GPC5: variants seen among roughly 807,000 people sequenced by gnomAD.
The protein encoded by GPC5 is glypican 5, also known as glypican-5.
In GPC5, 47 loss-of-function variants were observed where a neutral mutation model predicts 53.9. The ratio of observed to expected loss-of-function variants is 0.87; its 90% CI spans 0.69 to 1.11. The LOEUF is 1.11. Ranked by LOEUF, GPC5 falls within the 50% of genes most tolerant of loss-of-function variation. GPC5 has a pLI of 0.00. For synonymous variants in GPC5, 286 were observed against 263.3 expected (o/e 1.09, Z -0.84); for missense variants, 748 against 713.1 (o/e 1.05, Z -0.56).
At chr13:92,077,346 A>C (rs374679014) in intron 6 of GPC5, among the ~76,000 whole-genome samples, 16 of 152,116 alleles carry the variant, frequency 1.1e-4, no homozygotes, top group African/African-American at 3.6e-4. Context: ...CTGGATTTCC[A>C]CTGTTAATAT....
At chr13:91,972,891 C>T (rs1242205599) in intron 6 of GPC5, among the ~76,000 whole-genome samples, 2 of 151,618 alleles carry the variant, frequency 1.3e-5, no homozygotes, top group African/African-American at 4.8e-5. Context: ...TCTCTGGCTG[C>T]CCTTAACATT....
chr13:91,433,927 T>C (rs1266806613), intron 1 of GPC5, among the ~76,000 whole-genome samples: 1 of 152,184 alleles, frequency 6.6e-6, no homozygotes, highest in Non-Finnish European at 1.5e-5. Context: ...ATTGTGGTTT[T>C]GATTTGCATT....
chr13:91,850,016 T>A (rs6492562), intron 5 of GPC5, among the ~76,000 whole-genome samples: 28,562 of 152,114 alleles, frequency 0.19, 2,975 homozygotes, highest in East Asian at 0.31. Flanking sequence ...TCTCCCAGTA[T>A]ATCAAACTGG....
intron 7 of GPC5, among the ~76,000 whole-genome samples, chr13:92,574,551 A>G (rs1883133286): frequency 6.6e-6 from 1 of 152,208 alleles, no homozygotes; most frequent in African/African-American, 2.4e-5. Context: ...GGTTTTCTGC[A>G]TGTTCCTGAT....
chr13:92,517,918 A>G (rs1470805374), intron 7 of GPC5, among the ~76,000 whole-genome samples: 1 of 152,214 alleles, frequency 6.6e-6, no homozygotes, highest in Admixed American at 6.5e-5. Context: ...CAAAGAAGTT[A>G]AAAACCTTGA....
At chr13:92,583,464 G>C (rs1356697373) in intron 7 of GPC5, among the ~76,000 whole-genome samples, 2 of 152,178 alleles carry the variant, frequency 1.3e-5, no homozygotes, top group Non-Finnish European at 2.9e-5. Flanking sequence ...ATTGAATATA[G>C]AGCCTATTTT....
chr13:91,853,611 G>T lies in GPC5; in HGVS notation c.1281-54326G>T, dbSNP rs1183606081. On this transcript the variant is annotated intron_variant, in intron 5 of 7. Transcript: ENST00000377067. The stretch of plus-strand genomic sequence containing the variant: ...TAGAAAGGTAGTCAGATTATTGTCT[G>T]TATTATTCTTCACACTTCTGAATGA... 7.2e-5 allele frequency among the ~76,000 whole-genome samples: 11 copies of T among 152,024 alleles called. No homozygotes were observed. In the East Asian group the frequency reaches 2.1e-3, roughly 29 times the overall value.
At chr13:92,785,702 G>C in intron 7 of GPC5, among the ~76,000 whole-genome samples, 1 of 152,182 alleles carries the variant, frequency 6.6e-6, no homozygotes, top group East Asian at 1.9e-4. Flanking sequence ...CCAGGACAGC[G>C]TCTAGGATAT....
At chr13:91,616,058 A>G (rs1423903493) in intron 2 of GPC5, among the ~76,000 whole-genome samples, 1 of 151,756 alleles carries the variant, frequency 6.6e-6, no homozygotes, top group Non-Finnish European at 1.5e-5. Flanking sequence ...TGGTGAAAAC[A>G]AAAAAAAGCA....
chr13:91,634,520 G>A (rs2034239090), intron 2 of GPC5, among the ~76,000 whole-genome samples: 1 of 151,876 alleles, frequency 6.6e-6, no homozygotes, highest in South Asian at 2.1e-4. Flanking sequence ...AGTCTCATAA[G>A]TCTCATAAAT....
chr13:91,599,476 A>G (rs573379625), intron 2 of GPC5, among the ~76,000 whole-genome samples: 2 of 152,322 alleles, frequency 1.3e-5, no homozygotes, highest in Admixed American at 6.5e-5. Context: ...ATCATTAAAA[A>G]AATTCTGTTT....
intron 5 of GPC5, among the ~76,000 whole-genome samples, chr13:91,830,156 TAG>T (rs1730933167): frequency 2.0e-5 from 3 of 152,030 alleles, no homozygotes; most frequent in Non-Finnish European, 1.5e-5. Context: ...GGGCCGTGTA[TAG>T]ACCTACCCCC....
At chr13:92,281,675 C>T (rs555902362) in intron 7 of GPC5, among the ~76,000 whole-genome samples, 1 of 152,330 alleles carries the variant, frequency 6.6e-6, no homozygotes, top group East Asian at 1.9e-4. Context: ...AACAGACCTG[C>T]AGCTGAGGGT....
intron 7 of GPC5, among the ~76,000 whole-genome samples, chr13:92,238,995 GATT>G (rs1331881013): frequency 7.7e-5 from 10 of 130,588 alleles, no homozygotes; most frequent in Non-Finnish European, 8.6e-5. Context: ...TTGCTGACAA[GATT>G]ATTTTTTTTT....
At chr13:91,915,768 C>T (rs1209608493) in intron 6 of GPC5, among the ~76,000 whole-genome samples, 2 of 151,994 alleles carry the variant, frequency 1.3e-5, no homozygotes, top group East Asian at 1.9e-4. Flanking sequence ...CCAGCTCCCA[C>T]TAATTCATAT....
At chr13:92,751,318 A>AAC (rs1320577139) in intron 7 of GPC5, among the ~76,000 whole-genome samples, 1 of 147,326 alleles carries the variant, frequency 6.8e-6, no homozygotes, top group Non-Finnish European at 1.5e-5. Context: ...AAAAAAAAAA[A>AAC]AAAAAAAAAA....
intron 1 of GPC5, among the ~76,000 whole-genome samples, chr13:91,411,582 G>T (rs1471432859): frequency 6.6e-6 from 1 of 152,162 alleles, no homozygotes; most frequent in Non-Finnish European, 1.5e-5. Flanking sequence ...CTACAGGTTG[G>T]TTATGACCCT....
chr13:91,552,622 TG>T (rs2030711456), intron 2 of GPC5, among the ~76,000 whole-genome samples: 1 of 152,098 alleles, frequency 6.6e-6, no homozygotes, highest in East Asian at 1.9e-4. Context: ...TAGGTTGGGC[TG>T]GTTAACTGCA....
chr13:91,579,624 C>CTTTTTTTTTTTTT (rs3055895), intron 2 of GPC5, among the ~76,000 whole-genome samples: 24 of 102,614 alleles, frequency 2.3e-4, no homozygotes, highest in South Asian at 3.5e-4. Context: ...TTTTCTTTTT[C>CTTTTTTTTTTTTT]TTTTTTTTTT....
Sources: allele counts gnomAD v4.1 joint callset (sites outside exome capture counted in the v4.1 genomes callset), GRCh38; gene constraint gnomAD v4.1.1; transcripts MANE v1.5; gene names NCBI Gene and HGNC (gene_info 2026-07-23, HGNC 2026-07-21).